The following CS variants were observed in gnomAD, a reference collection of about 807,000 sequenced individuals.
The protein encoded by CS is citrate synthase.
In CS, 13 loss-of-function variants were observed where a neutral mutation model predicts 61.4. The observed-to-expected ratio is 0.21, with a 90% CI of 0.14 to 0.34. The LOEUF (loss-of-function observed/expected upper bound fraction) is 0.34, where lower values mean the gene tolerates loss of function less well. CS is among the 10% of genes least tolerant of loss of function. The pLI is 1.00. For synonymous variants in CS, 159 were observed against 215.2 expected (o/e 0.74, Z 2.29); for missense variants, 278 against 573.4 (o/e 0.48, Z 5.26).
chr12:56,296,553 C>A (rs559411791), intron 1 of CS, among the ~76,000 whole-genome samples: 5 of 152,146 alleles, frequency 3.3e-5, no homozygotes, highest in African/African-American at 1.2e-4. Flanking sequence ...TGCCTCATTA[C>A]GGTTTTAAAT....
intron 1 of CS, among the ~76,000 whole-genome samples, chr12:56,297,669 A>G (rs772167257): frequency 6.6e-6 from 1 of 152,072 alleles, no homozygotes; most frequent in Non-Finnish European, 1.5e-5. Context: ...ACGCCACTGC[A>G]CTCCAGCCTG....
At chr12:56,291,925 C>T (rs896580134) in intron 1 of CS, 1 of 152,230 alleles carries the variant, frequency 6.6e-6, no homozygotes, top group African/African-American at 2.4e-5. Flanking sequence ...CCCACAATCA[C>T]TAAGAGCTCA....
intron 1 of CS, among the ~76,000 whole-genome samples, chr12:56,293,866 C>T (rs1458999863): frequency 6.6e-6 from 1 of 152,210 alleles, no homozygotes; most frequent in Non-Finnish European, 1.5e-5. Context: ...AAACACAATA[C>T]ACTAATAACC....
intron 1 of CS, among the ~76,000 whole-genome samples, chr12:56,292,797 A>C (rs1592413613): frequency 6.6e-6 from 1 of 150,840 alleles, no homozygotes; most frequent in Non-Finnish European, 1.5e-5. Context: ...CCAGCTACTC[A>C]GGAGGCTGAG....
chr12:56,274,804 G>A lies in CS; in HGVS notation c.993C>T (p.Tyr331=). Residue 331 remains tyrosine (Y), a synonymous_variant, in exon 9 of 11, where the codon TAC becomes TAT. Coordinates refer to ENST00000351328, the MANE Select transcript of CS (RefSeq NM_004077.3). The part of the protein sequence containing the change: ...KDVSDEKLRD[Y]IWNTLNSGRV... Reference sequence around the variant, plus strand: ...GTCCTGAGTTGAGTGTGTTCCAGATGTAGTCTCGTAACTTCTCATCTGACA... The same window carrying A: ...GTCCTGAGTTGAGTGTGTTCCAGATATAGTCTCGTAACTTCTCATCTGACA... 2.5e-6 allele frequency: 4 copies of A among 1,608,746 alleles called. No individual in the cohort carries two copies. The highest frequency in any genetic ancestry group is 3.4e-6 in the Non-Finnish European group (4 of 1,177,734).
chr12:56,286,036 G>T lies in CS; in HGVS notation c.94-13C>A. The T allele has an allele frequency of 6.3e-7, 1 of 1,592,438 alleles. No individual in the cohort carries two copies. The highest frequency in any genetic ancestry group is 1.1e-5 in the South Asian group (1 of 90,634). ...TGTCTTTCAAATTCTAAAAAGAAAA[G>T]TAGAAGGACTAAGCAATGGTCTAAA... On this transcript the variant is annotated splice_polypyrimidine_tract_variant and intron_variant, in intron 2 of 10. Coordinates refer to ENST00000351328, the MANE Select transcript of CS (RefSeq NM_004077.3).
At chr12:56,295,966 A>AT (rs1873292299) in intron 1 of CS, among the ~76,000 whole-genome samples, 2 of 150,374 alleles carry the variant, frequency 1.3e-5, no homozygotes, top group Non-Finnish European at 3.0e-5. Flanking sequence ...AAAAAAAAAA[A>AT]AAAAAAAAAA....
intron 9 of CS, chr12:56,274,140 G>A (rs941696935): frequency 7.6e-5 from 21 of 275,022 alleles, no homozygotes; most frequent in African/African-American, 1.3e-4. Flanking sequence ...TGACCAACTC[G>A]GAGAAACCCC....
At chr12:56,277,630 CTTT>C (rs1303018748) in intron 6 of CS, among the ~76,000 whole-genome samples, 1 of 135,440 alleles carries the variant, frequency 7.4e-6, no homozygotes. Context: ...GACTTCCATT[CTTT>C]TTTTTTTTTT....
intron 1 of CS, among the ~76,000 whole-genome samples, chr12:56,294,616 G>T (rs966638358): frequency 2.0e-5 from 3 of 151,846 alleles, no homozygotes; most frequent in Non-Finnish European, 4.4e-5. Context: ...ACCCAGGCTG[G>T]AGTGCAGTGG....
rs1004878872 is a variant in CS, at chr12:56,285,943, C to T, written c.174G>A (p.Thr58=). The change falls in exon 3 of 11, where the codon ACG becomes ACA. Residue 58 remains threonine (T), a synonymous_variant. Coordinates refer to ENST00000351328, the MANE Select transcript of CS (RefSeq NM_004077.3). ...TGTCCACAGTGATTTGGCCCACCACCGTCTTGCCATGTTGCTGCCTGAAAG... is the reference window on the plus strand; with the variant it reads ...TGTCCACAGTGATTTGGCCCACCACTGTCTTGCCATGTTGCTGCCTGAAAG... ...IKTFRQQHGK[T]VVGQITVDMM... The T allele has an allele frequency of 1.2e-5, 19 of 1,612,542 alleles. No homozygotes were observed. Among genetic ancestry groups the T allele is most frequent in the East Asian group, 2.2e-5 (1 of 44,898 alleles).
At chr12:56,286,522 T>C in intron 2 of CS, 73 bp downstream of exon 2, 2 of 1,367,288 alleles carry the variant, frequency 1.5e-6, no homozygotes, top group African/African-American at 1.4e-5. Flanking sequence ...GCCAGGTGGT[T>C]GCCAAATCCT....
At chr12:56,282,266 T>C in intron 6 of CS, 154 bp downstream of exon 6, 1 of 605,268 alleles carries the variant, frequency 1.7e-6, no homozygotes, top group Non-Finnish European at 2.7e-6. Context: ...TTCCAACAAC[T>C]GACAAAAAAC....
rs1872534713 is a variant in CS, at chr12:56,272,176, T to A, written c.*908A>T. ...CAAGACTCTGAAAATATCATGCTGG[T>A]CATTCCGGAGTTCTATGCCCCACAG... On this transcript the variant is annotated 3_prime_UTR_variant, in exon 11 of 11. Coordinates refer to ENST00000351328, the MANE Select transcript of CS (RefSeq NM_004077.3). 3.6e-6 allele frequency: 1 copy of A among 274,520 alleles called. No individual in the cohort carries two copies. The highest frequency in any genetic ancestry group is 7.2e-6 in the Non-Finnish European group (1 of 138,210). 17.0% of individuals were successfully genotyped at this position (274,520 alleles called of 1,614,324 possible). A position where few individuals can be genotyped will look rare whatever the true frequency, so the allele number is the denominator to read the frequency against.
chr12:56,280,773 A>G (rs190932229), intron 6 of CS, among the ~76,000 whole-genome samples: 7 of 152,276 alleles, frequency 4.6e-5, no homozygotes, highest in South Asian at 2.1e-4. Context: ...GACCTTTTGT[A>G]CCTGCTAATG....
rs1872938904 is a variant in CS at position 56,286,361 on chromosome 12, AC to A, written c.93+233del. 12 of 543,216 alleles carry A rather than the reference AC, an allele frequency of 2.2e-5. No individual in the cohort carries two copies. In the South Asian group the frequency reaches 3.2e-4, roughly 14 times the overall value. The allele number at this position is 543,216 out of a possible 1,614,324, so 33.6% of individuals were successfully genotyped here. On this transcript the variant is annotated intron_variant, in intron 2 of 10. Transcript: ENST00000351328. The stretch of plus-strand genomic sequence containing the variant: ...TTATGTATATTTTACACTACTTAAA[AC>A]ATTTAAAAGAATTAGGCAAATGTAT...
intron 7 of CS, 188 bp downstream of exon 7, chr12:56,275,808 T>C: frequency 3.3e-6 from 2 of 607,960 alleles, no homozygotes; most frequent in Non-Finnish European, 5.8e-6. Context: ...ATGGTTACAG[T>C]AATTTCTTTA....
intron 1 of CS, among the ~76,000 whole-genome samples, chr12:56,292,592 A>G (rs1407323050): frequency 6.7e-6 from 1 of 149,376 alleles, no homozygotes; most frequent in Non-Finnish European, 1.5e-5. Context: ...AAGTATAAAA[A>G]TGGCCTTGAT....
intron 1 of CS, among the ~76,000 whole-genome samples, chr12:56,287,156 A>G (rs1265076378): frequency 1.3e-5 from 2 of 152,190 alleles, no homozygotes; most frequent in African/African-American, 4.8e-5. Flanking sequence ...AGAAATGGAA[A>G]CTTGCAAAGT....
Sources: gnomAD v4.1 joint callset for allele counts (sites outside exome capture counted in the v4.1 genomes callset) on GRCh38, gnomAD v4.1.1 for gene constraint, MANE v1.5 for transcripts, NCBI Gene and HGNC (gene_info 2026-07-23, HGNC 2026-07-21) for gene names.